SHOC1: variants seen among roughly 807,000 people sequenced by gnomAD.
SHOC1 encodes the protein protein shortage in chiasmata 1 ortholog.
A neutral mutation model predicts 179.2 loss-of-function variants in SHOC1; 136 were observed. The ratio of observed to expected loss-of-function variants is 0.76; its 90% confidence interval spans 0.66 to 0.87. SHOC1 has a LOEUF of 0.87. Among genes scored for constraint, SHOC1 ranks in the 40% least tolerant of loss-of-function variants. The probability of loss-of-function intolerance (pLI) is 0.00; values close to 1 mark genes in which losing one functional copy is unlikely to be tolerated. For missense variants in SHOC1, 1,538 were observed against 1,700.8 expected (o/e 0.90, Z 1.68); for synonymous variants, 489 against 586.6 (o/e 0.83, Z 2.41).
At chr9:111,733,580 G>A (rs1337394727) in intron 12 of SHOC1, among the ~76,000 whole-genome samples, 1 of 152,128 alleles carries the variant, frequency 6.6e-6, no homozygotes, top group Non-Finnish European at 1.5e-5. Flanking sequence ...TTAAATGTTG[G>A]TAACTGGCTG....
At chr9:111,694,145 G>A in intron 25 of SHOC1, 86 bp downstream of exon 25, 1 of 1,351,914 alleles carries the variant, frequency 7.4e-7, no homozygotes, top group Non-Finnish European at 1.0e-6. Context: ...GACATTTGGG[G>A]GAAAAATGTT....
chr9:111,740,312 T>C (rs907322044), intron 11 of SHOC1, among the ~76,000 whole-genome samples: 8 of 152,194 alleles, frequency 5.3e-5, no homozygotes, highest in African/African-American at 1.7e-4. Context: ...CAAGGTTTAA[T>C]AGAAAGCTTG....
intron 5 of SHOC1, among the ~76,000 whole-genome samples, chr9:111,769,346 A>G (rs767491632): frequency 3.9e-5 from 6 of 152,102 alleles, no homozygotes; most frequent in Non-Finnish European, 8.8e-5. Flanking sequence ...AGTTCTTTAA[A>G]TGTTTGGTAG....
At chr9:111,735,393 T>A (rs1382115118) in intron 12 of SHOC1, among the ~76,000 whole-genome samples, 1 of 152,182 alleles carries the variant, frequency 6.6e-6, no homozygotes, top group East Asian at 1.9e-4. Context: ...GTCCATGTGT[T>A]CTCATTGTTC....
Position 111,722,562 on chromosome 9 carries a change from G to A in SHOC1, c.1978C>T (p.Leu660Phe), listed in dbSNP as rs145088709. 16 of 1,603,616 alleles carry A rather than the reference G, an allele frequency of 1.0e-5. No homozygotes were observed. In the African/African-American group the frequency reaches 1.9e-4, roughly 19 times the overall value. Residue 660 changes from leucine to phenylalanine, a missense_variant, in exon 15 of 28, where the codon CTC becomes TTC. By Grantham distance (22) the Leu-to-Phe change is conservative. Transcript: ENST00000682961. ...ATAGGAGAAGCTGCTGCTTCGAGGAGGCAAAATGCTTGGCACTGGCTATCT... is the reference window on the plus strand; with the variant it reads ...ATAGGAGAAGCTGCTGCTTCGAGGAAGCAAAATGCTTGGCACTGGCTATCT... ...ASDSQCQAFCLLEAAASPILK... is the reference protein window; with the variant it reads ...ASDSQCQAFCFLEAAASPILK...
intron 14 of SHOC1, among the ~76,000 whole-genome samples, chr9:111,723,501 G>A (rs1224719468): frequency 1.3e-5 from 2 of 152,202 alleles, no homozygotes. Context: ...TCCAGACTGG[G>A]CAGAAGAGTC....
chr9:111,689,148 G>T lies in SHOC1; in HGVS notation c.4427-2278C>A, dbSNP rs149583571. Among the ~76,000 whole-genome samples, 504 of 152,086 alleles carry T rather than the reference G, an allele frequency of 3.3e-3. 3 individuals carry two copies. The highest frequency in any genetic ancestry group is 0.012 in the African/African-American group (489 of 41,490). ...CACCTGTAATCCCAGCACTTTGGAA[G>T]GCTGAGGCAGGCGGATTGCTTGAGC... is the stretch of plus-strand genomic sequence containing the variant. On this transcript the variant is annotated intron_variant, in intron 27 of 27. Transcript: ENST00000682961.
intron 24 of SHOC1, among the ~76,000 whole-genome samples, chr9:111,698,045 T>G (rs912131318): frequency 2.6e-5 from 4 of 152,198 alleles, no homozygotes; most frequent in Admixed American, 6.5e-5. Flanking sequence ...GTTGTTTGAT[T>G]TTTTCTTGTA....
Position 111,705,296 on chromosome 9 carries a change from A to T in SHOC1, c.2806T>A (p.Ser936Thr). The change falls in exon 21 of 28, where the codon TCT becomes ACT. Residue 936 changes from serine (S) to threonine (T), a missense_variant. Coordinates refer to ENST00000682961, the MANE Select transcript of SHOC1 (RefSeq NM_001378211.1). The part of the protein sequence containing the change: ...EIQIPYVFFA[S>T]EGLLNTPDIL... Reference sequence around the variant, plus strand: ...TCTGGAGTATTAAGAAGTCCTTCAGATGCAAAAAACACATATGGAATCTGA... The same window carrying T: ...TCTGGAGTATTAAGAAGTCCTTCAGTTGCAAAAAACACATATGGAATCTGA... The T allele has an allele frequency of 1.3e-6, 2 of 1,593,672 alleles. No individual in the cohort carries two copies. The highest frequency in any genetic ancestry group is 1.7e-6 in the Non-Finnish European group (2 of 1,170,138).
At chr9:111,709,042 T>C (rs140212591) in intron 18 of SHOC1, among the ~76,000 whole-genome samples, 1 of 152,274 alleles carries the variant, frequency 6.6e-6, no homozygotes, top group African/African-American at 2.4e-5. Flanking sequence ...GTGATTCTTC[T>C]ATTTAAAACC....
chr9:111,768,128 A>T (rs1000722054), intron 5 of SHOC1, among the ~76,000 whole-genome samples: 4 of 151,034 alleles, frequency 2.6e-5, no homozygotes, highest in Non-Finnish European at 4.4e-5. Context: ...TAGGTATTTT[A>T]TATTTTTTGT....
chr9:111,781,160 A>G (rs1404128088), intron 3 of SHOC1, 143 bp from the exon 4 acceptor site: 2 of 623,610 alleles, frequency 3.2e-6, no homozygotes, highest in East Asian at 5.8e-5. Context: ...CTGATTCCAA[A>G]TATTTGAATA....
intron 19 of SHOC1, 98 bp from the exon 20 acceptor site, chr9:111,706,844 T>C (rs982501339): frequency 1.3e-4 from 102 of 768,446 alleles, no homozygotes; most frequent in Non-Finnish European, 1.9e-4. Context: ...TCCATCCTTC[T>C]CTAATCTATG....
chr9:111,708,690 C>A (rs955666612), intron 18 of SHOC1, among the ~76,000 whole-genome samples: 3 of 152,142 alleles, frequency 2.0e-5, no homozygotes, highest in African/African-American at 7.2e-5. Flanking sequence ...TATTTAGAAG[C>A]AGAACACTTA....
intron 21 of SHOC1, among the ~76,000 whole-genome samples, chr9:111,704,973 ATAT>A (rs1429239214): frequency 6.6e-6 from 1 of 152,188 alleles, no homozygotes; most frequent in Non-Finnish European, 1.5e-5. Flanking sequence ...CAAAAATTAA[ATAT>A]TATTTTTGTC....
intron 8 of SHOC1, among the ~76,000 whole-genome samples, chr9:111,748,931 A>C (rs1589438500): frequency 5.7e-5 from 6 of 104,790 alleles, no homozygotes; most frequent in African/African-American, 7.7e-5. Context: ...TTCCTTCTCC[A>C]CCCTAGATGT....
intron 7 of SHOC1, among the ~76,000 whole-genome samples, chr9:111,756,723 A>G (rs1834878491): frequency 6.6e-6 from 1 of 152,230 alleles, no homozygotes; most frequent in Admixed American, 6.5e-5. Context: ...AGTGGTGTAC[A>G]ATATCCCTAG....
At chr9:111,761,868 A>G (rs890165060) in intron 5 of SHOC1, among the ~76,000 whole-genome samples, 1 of 152,132 alleles carries the variant, frequency 6.6e-6, no homozygotes. Flanking sequence ...TGCCCATCAC[A>G]TTGGTTTAAA....
chr9:111,741,927 T>C (rs1834062341), intron 10 of SHOC1, among the ~76,000 whole-genome samples: 7 of 152,160 alleles, frequency 4.6e-5, no homozygotes. Flanking sequence ...CCACCGCGCC[T>C]GGCCCAAAAT....
Sources: allele counts gnomAD v4.1 joint callset (sites outside exome capture counted in the v4.1 genomes callset), GRCh38; gene constraint gnomAD v4.1.1; transcripts MANE v1.5; gene names NCBI Gene and HGNC (gene_info 2026-07-23, HGNC 2026-07-21).